Variants in SMIM35 observed in about 807,000 individuals in gnomAD.
SMIM35 encodes the protein TMPRSS4 antisense RNA 1 (non-protein coding).
intron 4 of SMIM35, among the ~76,000 whole-genome samples, chr11:118,010,576 A>G (rs988977984): frequency 1.3e-5 from 2 of 152,164 alleles, no homozygotes; most frequent in Admixed American, 1.3e-4. Context: ...GAACAGCACA[A>G]ATGGAGGAAA....
intron 1 of SMIM35, among the ~76,000 whole-genome samples, chr11:118,023,134 CAGAG>C (rs1181361326): frequency 6.6e-6 from 1 of 151,874 alleles, no homozygotes; most frequent in African/African-American, 2.4e-5. Context: ...ACCAGGCACT[CAGAG>C]AGGCAGAGCA....
At chr11:118,020,280 A>C (rs58496951) in intron 1 of SMIM35, among the ~76,000 whole-genome samples, 14,571 of 152,196 alleles carry the variant, frequency 0.096, 963 homozygotes, top group East Asian at 0.37. Context: ...AACTGACTAA[A>C]TAAATAAATA....
intron 1 of SMIM35, among the ~76,000 whole-genome samples, chr11:118,082,715 G>GA (rs914753756): frequency 1.0e-3 from 150 of 150,632 alleles, no homozygotes; most frequent in African/African-American, 2.3e-3. Context: ...GCTGCTCAGG[G>GA]AAAAAAAAAC....
intron 1 of SMIM35, among the ~76,000 whole-genome samples, chr11:118,053,917 A>G (rs562757356): frequency 6.6e-6 from 1 of 152,336 alleles, no homozygotes; most frequent in African/African-American, 2.4e-5. Flanking sequence ...ATCCTGAAAG[A>G]TTGTAATCTC....
At chr11:118,020,292 A>T (rs182103872) in intron 1 of SMIM35, among the ~76,000 whole-genome samples, 89 of 152,326 alleles carry the variant, frequency 5.8e-4, no homozygotes, top group African/African-American at 2.0e-3. Context: ...AAATAAATAT[A>T]TAAATAAATC....
chr11:118,009,245 A>C (rs2058138705), intron 4 of SMIM35, among the ~76,000 whole-genome samples: 1 of 152,150 alleles, frequency 6.6e-6, no homozygotes, highest in South Asian at 2.1e-4. Flanking sequence ...GACCATCTGG[A>C]GGGAGGAGTA....
At chr11:118,032,516 G>C (rs1414495663) in intron 1 of SMIM35, among the ~76,000 whole-genome samples, 2 of 152,104 alleles carry the variant, frequency 1.3e-5, no homozygotes, top group Admixed American at 6.6e-5. Context: ...TCTGGGAGAG[G>C]AACTGGGTGG....
intron 1 of SMIM35, among the ~76,000 whole-genome samples, chr11:118,016,784 G>T (rs2058186612): frequency 6.6e-6 from 1 of 152,200 alleles, no homozygotes. Context: ...AATTAAAAGA[G>T]ATACCACATG....
chr11:118,006,671 G>A (rs937974769), intron 4 of SMIM35, among the ~76,000 whole-genome samples: 3 of 152,352 alleles, frequency 2.0e-5, no homozygotes, highest in East Asian at 3.9e-4. Context: ...CAACAGTGGT[G>A]ATGGTAGCTT....
At chr11:118,078,876 A>G (rs1410614181) in intron 1 of SMIM35, among the ~76,000 whole-genome samples, 1 of 152,144 alleles carries the variant, frequency 6.6e-6, no homozygotes, top group East Asian at 1.9e-4. Context: ...ACGCACATGC[A>G]CCGGGTTCGC....
chr11:118,077,234 C>T lies in SMIM35; in HGVS notation c.7+9517G>A, dbSNP rs893407083. ...CAGCCAGGACCTGTGTGGGGAGGCCCTCCTGCTGCCTTGGGGTGACAATCT... is the reference window on the plus strand; with the variant it reads ...CAGCCAGGACCTGTGTGGGGAGGCCTTCCTGCTGCCTTGGGGTGACAATCT... On this transcript the variant is annotated intron_variant, in intron 1 of 4. Transcript: ENST00000689828. The T allele has an allele frequency of 8.3e-6, 13 of 1,567,558 alleles. No individual in the cohort carries two copies. In the South Asian group the frequency reaches 9.4e-5, roughly 11 times the overall value.
At chr11:118,046,207 C>G (rs1944094952) in intron 1 of SMIM35, among the ~76,000 whole-genome samples, 1 of 152,168 alleles carries the variant, frequency 6.6e-6, no homozygotes, top group African/African-American at 2.4e-5. Context: ...CAAAAGTCTG[C>G]CTTTGATCTC....
intron 2 of SMIM35, among the ~76,000 whole-genome samples, chr11:118,015,375 T>C (rs1197069268): frequency 6.6e-6 from 1 of 152,126 alleles, no homozygotes; most frequent in African/African-American, 2.4e-5. Context: ...GAGCTTGGCC[T>C]GTCTAGCCCA....
intron 1 of SMIM35, chr11:118,028,610 A>C (rs1199513096): frequency 2.6e-5 from 6 of 233,572 alleles, no homozygotes; most frequent in Non-Finnish European, 1.7e-5. Flanking sequence ...TGACATGGGA[A>C]ACTTGGGTTT....
chr11:118,072,258 G>T (rs531157046), intron 1 of SMIM35, among the ~76,000 whole-genome samples: 2 of 152,290 alleles, frequency 1.3e-5, no homozygotes, highest in East Asian at 3.9e-4. Context: ...GGGAGGCCAA[G>T]GTGGGTGGAG....
intron 1 of SMIM35, chr11:118,059,072 T>C (rs1166608897): frequency 6.6e-6 from 1 of 152,308 alleles, no homozygotes; most frequent in Non-Finnish European, 1.5e-5. Context: ...CACTGGCGTC[T>C]GCACACAGCC....
At position 118,004,541 on chromosome 11, in the gene SMIM35, GA is replaced by G; in HGVS notation, c.*1868del. On this transcript the variant is annotated 3_prime_UTR_variant, in exon 5 of 5. Transcript: ENST00000689828. ...GGCTTAATAATGACAAGTCATCCAA[GA>G]AAAGGTCTTTCAGCAATTGGCAAGG... is the stretch of plus-strand genomic sequence containing the variant. The G allele has an allele frequency of 6.6e-6, 1 of 152,398 alleles. No individual in the cohort carries two copies. Among genetic ancestry groups the G allele is most frequent in the Non-Finnish European group, 1.5e-5 (1 of 68,070 alleles). The allele number at this position is 152,398 out of a possible 1,614,324, so 9.4% of individuals were successfully genotyped here.
At chr11:118,009,185 C>T (rs1430519848) in intron 4 of SMIM35, among the ~76,000 whole-genome samples, 2 of 152,074 alleles carry the variant, frequency 1.3e-5, no homozygotes, top group Non-Finnish European at 2.9e-5. Context: ...GAGGACTGGG[C>T]TCCTGAGCGC....
chr11:118,014,131 T>C (rs966420327), intron 3 of SMIM35, among the ~76,000 whole-genome samples: 1 of 152,226 alleles, frequency 6.6e-6, no homozygotes, highest in African/African-American at 2.4e-5. Context: ...TATGCTCTTC[T>C]TTCTGATACC....
Sources: allele counts gnomAD v4.1 joint callset (sites outside exome capture counted in the v4.1 genomes callset), GRCh38; gene constraint gnomAD v4.1.1; transcripts MANE v1.5; gene names NCBI Gene and HGNC (gene_info 2026-07-23, HGNC 2026-07-21).